Variants in SERPINB8 observed in about 807,000 individuals in gnomAD.
SERPINB8 encodes serpin B8.
Under a neutral mutation model 35.3 loss-of-function variants are expected in SERPINB8, and 25 were observed. That is an observed-to-expected ratio of 0.71 (90% CI 0.52 to 0.99). The LOEUF is 0.99. Among genes scored for constraint, SERPINB8 ranks in the 50% least tolerant of loss-of-function variants. The pLI, the probability that SERPINB8 is intolerant of heterozygous loss-of-function variation, is 0.00. For synonymous variants in SERPINB8, 186 were observed against 160.8 expected (o/e 1.16, Z -1.19); for missense variants, 484 against 446.5 (o/e 1.08, Z -0.76).
rs1370917361 is a variant in SERPINB8, at chr18:63,988,368, TAGAC to T, written c.*1093_*1096del. 1 of 152,218 alleles carries T rather than the reference TAGAC, an allele frequency of 6.6e-6. No individual in the cohort carries two copies. Among genetic ancestry groups the T allele is most frequent in the African/African-American group, 2.4e-5 (1 of 41,456 alleles). The allele number at this position is 152,218 out of a possible 1,614,324, so 9.4% of individuals were successfully genotyped here. A position where few individuals can be genotyped will look rare whatever the true frequency, so the allele number is the denominator to read the frequency against. On this transcript the variant is annotated 3_prime_UTR_variant, in exon 7 of 7. Transcript: ENST00000397985. Reference sequence around the variant, plus strand: ...GGATTTCTATAATTGAATCTAATTTTAGACAGTTTGAGTAATTAAAATTATTTCT... The same window carrying T: ...GGATTTCTATAATTGAATCTAATTTTAGTTTGAGTAATTAAAATTATTTCT...
chr18:63,990,390 T>C (rs2050818578), downstream of SERPINB8, among the ~76,000 whole-genome samples: 1 of 152,170 alleles, frequency 6.6e-6, no homozygotes, highest in South Asian at 2.1e-4. Flanking sequence ...GTTTTCTTAT[T>C]GTATTTTGAG....
rs117937840 is a variant in SERPINB8, at chr18:63,978,394, T to C, written c.86T>C (p.Phe29Ser). ...GAAGAGGACAACTCAAGAAACGTAT[T>C]CTTCTCTCCCATGAGCATCTCCTCT... ...LGEEDNSRNV[F>S]FSPMSISSAL... Residue 29 changes from phenylalanine (F) to serine (S), a missense_variant, in exon 2 of 7, where the codon TTC (phenylalanine) becomes TCC (serine). Physicochemically the swap from Phe to Ser is radical, Grantham distance 155. Transcript: ENST00000397985. 3.8e-4 allele frequency: 607 copies of C among 1,614,228 alleles called. 6 individuals are homozygous for C. In the East Asian group the frequency reaches 0.013, roughly 35 times the overall value.
At chr18:64,011,944 C>A (rs956811576) in intron 7 of SERPINB8, among the ~76,000 whole-genome samples, 4 of 152,042 alleles carry the variant, frequency 2.6e-5, no homozygotes, top group Non-Finnish European at 5.9e-5. Context: ...GGAAGAAAAT[C>A]TGAGTTAATA....
chr18:64,014,045 G>A lies in SERPINB8; in HGVS notation c.*3-4865G>A, dbSNP rs547657928. On this transcript the variant is annotated intron_variant, in intron 7 of 7. Transcript: ENST00000636430. Reference sequence around the variant, plus strand: ...ACACTTAAATTTGCAGTGTCTAAAGGTAATTTGGACTACTATATGGAGAAT... The same window carrying A: ...ACACTTAAATTTGCAGTGTCTAAAGATAATTTGGACTACTATATGGAGAAT... 1.2e-4 allele frequency among the ~76,000 whole-genome samples: 18 copies of A among 152,236 alleles called. No individual in the cohort carries two copies. In the East Asian group the frequency reaches 2.9e-3, roughly 24 times the overall value.
intron 6 of SERPINB8, 82 bp from the exon 7 acceptor site, chr18:63,986,792 T>G: frequency 3.6e-6 from 5 of 1,404,166 alleles, no homozygotes; most frequent in Admixed American, 2.3e-5. Flanking sequence ...TTGCATGTCA[T>G]TGGGGGAGGG....
At chr18:63,974,720 AC>A (rs10713438) in intron 1 of SERPINB8, among the ~76,000 whole-genome samples, 42,919 of 151,956 alleles carry the variant, frequency 0.28, 7,483 homozygotes, top group African/African-American at 0.5. Flanking sequence ...TAAAGTTCCA[AC>A]CCTTTCAAAA....
At chr18:63,993,451 GATTTA>G (rs2050834098), downstream of SERPINB8, among the ~76,000 whole-genome samples, 1 of 152,100 alleles carries the variant, frequency 6.6e-6, no homozygotes, top group Non-Finnish European at 1.5e-5. Flanking sequence ...AAGATATTGA[GATTTA>G]TTTTATGCCC....
At chr18:64,005,083 T>G in exon 2 of SERPINB8, 1 of 379,088 alleles carries the variant, frequency 2.6e-6, no homozygotes, top group Non-Finnish European at 4.7e-6. Context: ...CATTCAAATG[T>G]CCAAGAAGGA....
At chr18:63,999,212 A>G (rs1043996459) in intron 1 of SERPINB8, among the ~76,000 whole-genome samples, 1 of 152,180 alleles carries the variant, frequency 6.6e-6, no homozygotes, top group African/African-American at 2.4e-5. Flanking sequence ...GGCAGCTGCC[A>G]TCATGCTGAA....
intron 1 of SERPINB8, among the ~76,000 whole-genome samples, chr18:63,994,566 T>C (rs2050839714): frequency 6.6e-6 from 1 of 152,022 alleles, no homozygotes; most frequent in Non-Finnish European, 1.5e-5. Flanking sequence ...GCTAATGTGT[T>C]GTTTACAGAA....
At chr18:63,986,403 A>G (rs2050755041) in intron 6 of SERPINB8, 2 of 1,525,210 alleles carry the variant, frequency 1.3e-6, no homozygotes, top group South Asian at 2.7e-5. Context: ...ATGAAACACA[A>G]TTCCCTCTCT....
chr18:63,971,858 T>C (rs933587098), intron 1 of SERPINB8, among the ~76,000 whole-genome samples: 2 of 152,124 alleles, frequency 1.3e-5, no homozygotes, highest in African/African-American at 4.8e-5. Context: ...CAGGAAACCA[T>C]AGAAACCCAC....
chr18:63,981,519 C>T (rs1599142793), intron 3 of SERPINB8, among the ~76,000 whole-genome samples: 1 of 152,282 alleles, frequency 6.6e-6, no homozygotes, highest in East Asian at 1.9e-4. Context: ...GGCTGTGGAC[C>T]TCCTCAAGCC....
downstream of SERPINB8, among the ~76,000 whole-genome samples, chr18:63,992,739 G>A (rs1016559617): frequency 8.5e-5 from 13 of 152,334 alleles, 1 homozygote; most frequent in South Asian, 4.1e-4. Context: ...AGACAAAAGA[G>A]TATATTTGGA....
intron 1 of SERPINB8, among the ~76,000 whole-genome samples, chr18:64,004,000 A>G (rs1206138425): frequency 6.6e-6 from 1 of 152,156 alleles, no homozygotes; most frequent in Non-Finnish European, 1.5e-5. Flanking sequence ...ATTACATTCT[A>G]TTTGGCCTCT....
chr18:64,008,925 C>A (rs1339052644), downstream of SERPINB8, among the ~76,000 whole-genome samples: 3 of 151,990 alleles, frequency 2.0e-5, no homozygotes, highest in African/African-American at 7.3e-5. Context: ...AATAACAGGA[C>A]CTAGCTCATA....
In SERPINB8 at chr18:63,981,945, G is replaced by A. The variant is rs1015910718; in HGVS notation, c.424+107G>A. On this transcript the variant is annotated intron_variant, in intron 4 of 6. Coordinates refer to ENST00000397985, the MANE Select transcript of SERPINB8 (RefSeq NM_002640.4). Reference sequence around the variant, plus strand: ...TGCCACTGTGACCTGCATACCACAGGCCTGTTTGTATGTGTTTGCTGAGTT... The same window carrying A: ...TGCCACTGTGACCTGCATACCACAGACCTGTTTGTATGTGTTTGCTGAGTT... 19 of 717,660 alleles carry A rather than the reference G, an allele frequency of 2.6e-5. No individual in the cohort carries two copies. In the African/African-American group the frequency reaches 3.0e-4, roughly 11 times the overall value. 44.5% of individuals were successfully genotyped at this position (717,660 alleles called of 1,614,324 possible). A position where few individuals can be genotyped will look rare whatever the true frequency, so the allele number is the denominator to read the frequency against.
At chr18:64,006,420 T>A (rs575841895), downstream of SERPINB8, among the ~76,000 whole-genome samples, 2 of 152,250 alleles carry the variant, frequency 1.3e-5, no homozygotes, top group African/African-American at 4.8e-5. Flanking sequence ...GGAACCCTCA[T>A]GTGGGATTAA....
chr18:64,004,986 A>T (rs1170761182), exon 2 of SERPINB8: 1 of 396,456 alleles, frequency 2.5e-6, no homozygotes, highest in East Asian at 3.6e-5. Flanking sequence ...GCACTGTGGA[A>T]GTGCCACAGG....
Sources: gnomAD v4.1 joint callset for allele counts (sites outside exome capture counted in the v4.1 genomes callset) on GRCh38, gnomAD v4.1.1 for gene constraint, MANE v1.5 for transcripts, NCBI Gene and HGNC (gene_info 2026-07-23, HGNC 2026-07-21) for gene names.